The following SDK1 variants were observed in gnomAD, a reference collection of about 807,000 sequenced individuals.
SDK1 encodes the protein protein sidekick-1.
Under a neutral mutation model 245.5 loss-of-function variants are expected in SDK1, and 157 were observed. That is an observed-to-expected ratio of 0.64 (90% CI 0.56 to 0.73). SDK1 has a LOEUF of 0.73. Among genes scored for constraint, SDK1 ranks in the 30% least tolerant of loss-of-function variants. The probability of loss-of-function intolerance (pLI) is 0.00; values close to 1 mark genes in which losing one functional copy is unlikely to be tolerated. For missense variants in SDK1, 3,583 were observed against 3,002.3 expected (o/e 1.19, Z -4.52); for synonymous variants, 1,647 against 1,278.5 (o/e 1.29, Z -6.15).
chr7:4,079,213 C>G (rs985438999), intron 21 of SDK1, among the ~76,000 whole-genome samples: 6 of 152,222 alleles, frequency 3.9e-5, no homozygotes, highest in Non-Finnish European at 5.9e-5. Flanking sequence ...CAGAGTTTCT[C>G]ATCAGGGAGG....
intron 5 of SDK1, among the ~76,000 whole-genome samples, chr7:3,885,047 T>A (rs368431059): frequency 7.2e-4 from 103 of 142,668 alleles, no homozygotes; most frequent in African/African-American, 2.3e-3. Context: ...CCCCGCCCCA[T>A]CTCTGCCAAT....
intron 1 of SDK1, among the ~76,000 whole-genome samples, chr7:3,559,150 A>G (rs1562562615): frequency 6.6e-6 from 1 of 152,226 alleles, no homozygotes; most frequent in East Asian, 1.9e-4. Context: ...AACTTACGAT[A>G]TATAGATATT....
chr7:3,683,985 G>C (rs1784195599), intron 4 of SDK1, among the ~76,000 whole-genome samples: 1 of 152,184 alleles, frequency 6.6e-6, no homozygotes, highest in African/African-American at 2.4e-5. Flanking sequence ...TGGCCCTCCA[G>C]CTGGTTTCAG....
Position 3,622,117 on chromosome 7 carries a change from A to G in SDK1, c.458+2878A>G, listed in dbSNP as rs1466118337. Among the ~76,000 whole-genome samples the G allele has an allele frequency of 2.0e-5, 3 of 152,102 alleles. No individual in the cohort carries two copies. The East Asian group carries it at 5.8e-4, about 29-fold the overall frequency. On this transcript the variant is annotated intron_variant, in intron 2 of 44. Coordinates refer to ENST00000404826, the MANE Select transcript of SDK1 (RefSeq NM_152744.4). ...GTTAAATGCATTTTTGACCTAGGGTATTTTCAACATACGCTAAGTTTATTG... is the reference window on the plus strand; with the variant it reads ...GTTAAATGCATTTTTGACCTAGGGTGTTTTCAACATACGCTAAGTTTATTG...
chr7:4,165,360 AAAACAAAC>A (rs58209155), intron 32 of SDK1, among the ~76,000 whole-genome samples: 1 of 152,046 alleles, frequency 6.6e-6, no homozygotes, highest in African/African-American at 2.4e-5. Context: ...ACCTTGTCTC[AAAACAAAC>A]AAACAAACAA....
intron 1 of SDK1, among the ~76,000 whole-genome samples, chr7:3,304,931 C>G (rs1191116135): frequency 1.3e-5 from 2 of 152,164 alleles, no homozygotes; most frequent in Admixed American, 1.3e-4. Context: ...ACACCCCCTC[C>G]TCCCTCCAGG....
At chr7:3,533,394 TC>T (rs1474540902) in intron 1 of SDK1, among the ~76,000 whole-genome samples, 1 of 152,204 alleles carries the variant, frequency 6.6e-6, no homozygotes, top group African/African-American at 2.4e-5. Context: ...AGGGAGGACT[TC>T]CATTTGACTT....
Position 4,266,522 on chromosome 7 carries a change from C to T in SDK1, c.*1138C>T. 18 of 985,444 alleles carry T rather than the reference C, an allele frequency of 1.8e-5. No individual in the cohort carries two copies. Among genetic ancestry groups the T allele is most frequent in the Non-Finnish European group, 2.2e-5 (18 of 829,930 alleles). 61.0% of individuals were successfully genotyped at this position (985,444 alleles called of 1,614,324 possible). ...ACCACTGGCGCTGCTGCTGCCCCCT[C>T]TCCCAGTCCGAGGCCAGCTTTTAGC... On this transcript the variant is annotated 3_prime_UTR_variant, in exon 45 of 45. Transcript: ENST00000404826.
chr7:3,504,083 G>C (rs1217799291), intron 1 of SDK1, among the ~76,000 whole-genome samples: 2 of 151,916 alleles, frequency 1.3e-5, no homozygotes, highest in Non-Finnish European at 2.9e-5. Flanking sequence ...CCGGGAGGCA[G>C]AGGTTGTAGT....
chr7:3,634,188 A>G (rs1782386344), intron 2 of SDK1, among the ~76,000 whole-genome samples: 2 of 152,130 alleles, frequency 1.3e-5, no homozygotes, highest in East Asian at 1.9e-4. Flanking sequence ...CATCTCCACA[A>G]AAGCTCATAG....
At chr7:3,316,472 A>C (rs1350239608) in intron 1 of SDK1, among the ~76,000 whole-genome samples, 1 of 152,234 alleles carries the variant, frequency 6.6e-6, no homozygotes, top group African/African-American at 2.4e-5. Flanking sequence ...GCACAATGAC[A>C]GAATTGCCTA....
At chr7:3,947,453 A>T (rs1780624915) in intron 5 of SDK1, among the ~76,000 whole-genome samples, 1 of 151,944 alleles carries the variant, frequency 6.6e-6, no homozygotes, top group Non-Finnish European at 1.5e-5. Flanking sequence ...CAGTATAGAG[A>T]GATTATATTT....
chr7:4,127,562 A>G (rs769093290), intron 26 of SDK1, 66 bp downstream of exon 26: 5 of 1,187,876 alleles, frequency 4.2e-6, no homozygotes, highest in South Asian at 1.2e-5. Flanking sequence ...AGCATGTGCT[A>G]TTCCCCCAAA....
At chr7:3,877,401 G>A (rs1007787727) in intron 5 of SDK1, among the ~76,000 whole-genome samples, 28 of 152,142 alleles carry the variant, frequency 1.8e-4, no homozygotes, top group South Asian at 2.1e-4. Context: ...ATTGTTAAAC[G>A]TTCGACATCT....
chr7:3,457,551 C>T (rs890096381), intron 1 of SDK1, among the ~76,000 whole-genome samples: 44 of 152,230 alleles, frequency 2.9e-4, no homozygotes, highest in Admixed American at 6.5e-4. Flanking sequence ...AGGATAGCTC[C>T]TCTCTTTCCA....
At chr7:3,648,621 T>G (rs1156856836) in intron 4 of SDK1, among the ~76,000 whole-genome samples, 1 of 152,216 alleles carries the variant, frequency 6.6e-6, no homozygotes, top group East Asian at 1.9e-4. Context: ...TTGTTTAAAT[T>G]AGCGCTTGCA....
At chr7:3,692,174 A>G (rs114830427) in intron 4 of SDK1, among the ~76,000 whole-genome samples, 1 of 152,176 alleles carries the variant, frequency 6.6e-6, no homozygotes, top group African/African-American at 2.4e-5. Context: ...CAGAGACCCA[A>G]CATAATTTCA....
chr7:3,866,115 A>G (rs891120508), intron 5 of SDK1, among the ~76,000 whole-genome samples: 2 of 152,242 alleles, frequency 1.3e-5, no homozygotes, highest in African/African-American at 4.8e-5. Context: ...ATTTTAGAAT[A>G]CATGCATAAA....
chr7:3,449,509 A>T (rs564613734), intron 1 of SDK1, among the ~76,000 whole-genome samples: 1 of 152,264 alleles, frequency 6.6e-6, no homozygotes, highest in East Asian at 1.9e-4. Flanking sequence ...AGAAGATTTG[A>T]CTATATGTTG....
Sources: gnomAD v4.1 joint callset for allele counts (sites outside exome capture counted in the v4.1 genomes callset) on GRCh38, gnomAD v4.1.1 for gene constraint, MANE v1.5 for transcripts, NCBI Gene and HGNC (gene_info 2026-07-23, HGNC 2026-07-21) for gene names.